Variants in CREBBP observed in about 807,000 individuals in gnomAD.
The protein encoded by CREBBP is CREB-binding protein.
CREBBP carries 19 observed loss-of-function variants against 265.0 expected under a neutral mutation model. That is an observed-to-expected ratio of 0.07 (90% CI 0.05 to 0.11). The LOEUF (loss-of-function observed/expected upper bound fraction) is 0.11. Ranked by LOEUF, CREBBP falls within the 10% of genes least tolerant of loss-of-function variation. CREBBP has a pLI of 1.00. For synonymous variants in CREBBP, 1,457 were observed against 1,223.7 expected, an observed-to-expected ratio of 1.19 and a Z score of -3.98; for missense variants, 2,525 against 3,219.0, an observed-to-expected ratio of 0.78 and a Z score of 5.22.
intron 2 of CREBBP, among the ~76,000 whole-genome samples, chr16:3,841,302 T>C (rs1364397267): frequency 6.6e-6 from 1 of 151,948 alleles, no homozygotes; most frequent in East Asian, 1.9e-4. Context: ...GCCAGTGAGA[T>C]GAAACCCAAC....
At chr16:3,866,853 C>T (rs1194095022) in intron 1 of CREBBP, among the ~76,000 whole-genome samples, 1 of 152,166 alleles carries the variant, frequency 6.6e-6, no homozygotes, top group Admixed American at 6.5e-5. Flanking sequence ...TCAGTCTTTT[C>T]TCCCCTCCTA....
chr16:3,770,823 C>T lies in CREBBP; in HGVS notation c.2627G>A (p.Gly876Glu), dbSNP rs1247592335. The change falls in exon 14 of 31, where the codon GGG becomes GAG. Residue 876 changes from glycine to glutamate, a missense_variant. Gly to Glu is a moderately conservative substitution (Grantham distance 98). Transcript: ENST00000262367. ...AGCTGCTGGCTGGGGAGGAGTCATC[C>T]CAGGTGGTGTCGTGTGCTGGAGAGA... Reference protein sequence around the residue: ...MPSLQHTTPPGMTPPQPAAPT... With the variant: ...MPSLQHTTPPEMTPPQPAAPT... 1.2e-6 allele frequency: 2 copies of T among 1,613,784 alleles called. No homozygotes were observed. The highest frequency in any genetic ancestry group is 1.3e-5 in the African/African-American group (1 of 74,852).
intron 2 of CREBBP, among the ~76,000 whole-genome samples, chr16:3,841,522 T>C (rs1303577101): frequency 6.6e-6 from 1 of 152,082 alleles, no homozygotes; most frequent in East Asian, 1.9e-4. Context: ...ACACCTATAG[T>C]ACCAGCTACT....
chr16:3,784,991 T>A (rs1219591128), intron 5 of CREBBP, among the ~76,000 whole-genome samples: 1 of 152,196 alleles, frequency 6.6e-6, no homozygotes, highest in Non-Finnish European at 1.5e-5. Context: ...ATTTCTAAAA[T>A]TCAGAAGCAA....
intron 5 of CREBBP, 108 bp from the exon 6 acceptor site, chr16:3,783,034 T>C: frequency 7.3e-7 from 1 of 1,363,510 alleles, no homozygotes; most frequent in Non-Finnish European, 1.0e-6. Flanking sequence ...ATCAAAATAC[T>C]ACACATGAAT....
At chr16:3,867,195 A>G (rs1348653262) in intron 1 of CREBBP, among the ~76,000 whole-genome samples, 1 of 152,162 alleles carries the variant, frequency 6.6e-6, no homozygotes, top group Non-Finnish European at 1.5e-5. Flanking sequence ...AATAAACACA[A>G]CTTCTGTGTG....
In CREBBP at chr16:3,846,870, T is replaced by C. The variant is rs559697894; in HGVS notation, c.798+3427A>G. On this transcript the variant is annotated intron_variant, in intron 2 of 30. Coordinates refer to ENST00000262367, the MANE Select transcript of CREBBP (RefSeq NM_004380.3). ...GGTGAGAATTTGGGAGAACCAAAAT[T>C]CAAGAATTAAGAATTAACTCTCTGG... Among the ~76,000 whole-genome samples the C allele has an allele frequency of 1.1e-4, 17 of 152,340 alleles. No homozygotes were observed. In the South Asian group the frequency reaches 3.1e-3, roughly 28 times the overall value.
Position 3,727,696 on chromosome 16 carries a change from A to T in CREBBP, c.*22T>A, listed in dbSNP as rs2230140. On this transcript the variant is annotated 3_prime_UTR_variant, in exon 31 of 31. Coordinates refer to ENST00000262367, the MANE Select transcript of CREBBP (RefSeq NM_004380.3). ...CAAAAGGTCCAAGAACATGAAAGGG[A>T]AAAGGTGATGCTCTCACAATGCTAC... 6.2e-7 allele frequency: 1 copy of T among 1,613,572 alleles called. No individual in the cohort carries two copies. The highest frequency in any genetic ancestry group is 8.5e-7 in the Non-Finnish European group (1 of 1,179,860).
intron 1 of CREBBP, among the ~76,000 whole-genome samples, chr16:3,871,948 A>G (rs141523555): frequency 6.6e-6 from 1 of 152,258 alleles, no homozygotes; most frequent in African/African-American, 2.4e-5. Context: ...ATGGGAAAGT[A>G]AAGTCAGATT....
chr16:3,803,815 TCACACCTGTGATGCTAG>T (rs2053774335), intron 3 of CREBBP, among the ~76,000 whole-genome samples: 1 of 152,028 alleles, frequency 6.6e-6, no homozygotes, highest in Non-Finnish European at 1.5e-5. Context: ...GAGAGGTGGC[TCACACCTGTGATGCTAG>T]CACTTTGGGA....
At chr16:3,732,945 C>A (rs1470252817) in intron 28 of CREBBP, among the ~76,000 whole-genome samples, 1 of 152,038 alleles carries the variant, frequency 6.6e-6, no homozygotes, top group Non-Finnish European at 1.5e-5. Context: ...GGTGATCCGC[C>A]CGCCTGAGCC....
intron 1 of CREBBP, among the ~76,000 whole-genome samples, chr16:3,851,435 T>C (rs902176179): frequency 3.9e-5 from 6 of 152,010 alleles, no homozygotes; most frequent in African/African-American, 1.4e-4. Flanking sequence ...AGCCCTACTA[T>C]ATTTATCATA....
chr16:3,873,731 C>A (rs962662027), intron 1 of CREBBP, among the ~76,000 whole-genome samples: 6 of 152,278 alleles, frequency 3.9e-5, no homozygotes, highest in African/African-American at 1.4e-4. Flanking sequence ...CCCAAACATG[C>A]TCTGGCCTCA....
At chr16:3,796,001 C>T (rs568194860) in intron 3 of CREBBP, among the ~76,000 whole-genome samples, 5 of 152,184 alleles carry the variant, frequency 3.3e-5, no homozygotes, top group African/African-American at 1.2e-4. Flanking sequence ...CCAAGAAGGC[C>T]CACATCCTGT....
In CREBBP at chr16:3,731,328, G is replaced by A. The variant is rs2151316731; in HGVS notation, c.5036C>T (p.Ser1679Phe). The A allele has an allele frequency of 6.2e-7, 1 of 1,614,128 alleles. No individual in the cohort carries two copies. The highest frequency in any genetic ancestry group is 8.5e-7 in the Non-Finnish European group (1 of 1,180,012). Reference sequence around the variant, plus strand: ...GGACCACTTGGAGCGGCGCAAGGAGGAGAACTCCCAGTGCTTGTCTCTGGC... The same window carrying A: ...GGACCACTTGGAGCGGCGCAAGGAGAAGAACTCCCAGTGCTTGTCTCTGGC... ...TLARDKHWEF[S>F]SLRRSKWSTL... Residue 1679 changes from serine (S) to phenylalanine (F), a missense_variant, in exon 30 of 31, where the codon TCC becomes TTC. Ser to Phe is a radical substitution (Grantham distance 155, BLOSUM62 -2). Transcript: ENST00000262367. The surrounding 1 kb of genome is among the most constrained non-coding windows in gnomAD (Gnocchi z 7.7).
intron 2 of CREBBP, among the ~76,000 whole-genome samples, chr16:3,813,237 C>T (rs555664189): frequency 1.9e-4 from 29 of 152,186 alleles, no homozygotes; most frequent in Non-Finnish European, 3.5e-4. Context: ...ACATTTCTCA[C>T]CTTTTGGAAA....
intron 15 of CREBBP, among the ~76,000 whole-genome samples, chr16:3,768,136 GT>G (rs71133655): frequency 6.3e-3 from 327 of 51,534 alleles, no homozygotes; most frequent in Admixed American, 8.1e-3. Flanking sequence ...ATTTAAAAGT[GT>G]TTTTTTTTTT....
At chr16:3,856,682 A>C (rs1027022704) in intron 1 of CREBBP, among the ~76,000 whole-genome samples, 1 of 152,236 alleles carries the variant, frequency 6.6e-6, no homozygotes, top group South Asian at 2.1e-4. Flanking sequence ...AACTTCATCT[A>C]AACCAGGAAC....
At chr16:3,839,881 G>GA (rs1352369310) in intron 2 of CREBBP, among the ~76,000 whole-genome samples, 1 of 151,792 alleles carries the variant, frequency 6.6e-6, no homozygotes, top group African/African-American at 2.4e-5. Context: ...GAAAAGAAAA[G>GA]AAAAGAAAAA....
Sources: allele counts gnomAD v4.1 joint callset (sites outside exome capture counted in the v4.1 genomes callset), GRCh38; gene constraint gnomAD v4.1.1; non-coding constraint Gnocchi (gnomAD v3.1); transcripts MANE v1.5; gene names NCBI Gene and HGNC (gene_info 2026-07-23, HGNC 2026-07-21).